Variants in DNAH2 observed in about 807,000 individuals in gnomAD.
DNAH2 encodes the protein dynein axonemal heavy chain 2.
In DNAH2, 323 loss-of-function variants were observed where a neutral mutation model predicts 523.5. The observed-to-expected ratio is 0.62, with a 90% confidence interval of 0.56 to 0.68. The LOEUF (loss-of-function observed/expected upper bound fraction) is 0.68. DNAH2 is among the 30% of genes least tolerant of loss of function. DNAH2 has a pLI of 0.00. For synonymous variants in DNAH2, 2,093 were observed against 2,177.4 expected (o/e 0.96, Z 1.08); for missense variants, 4,907 against 5,701.5 (o/e 0.86, Z 4.49).
In DNAH2 at chr17:7,719,865, C is replaced by G. The variant is rs781523714; in HGVS notation, c.131C>G (p.Pro44Arg). Residue 44 changes from proline to arginine, a missense_variant, in exon 2 of 86, where the codon CCA (proline) becomes CGA (arginine). Pro to Arg is a moderately radical substitution (Grantham distance 103, BLOSUM62 -2). Around this residue, in one of 3 missense-constraint regions of DNAH2, gnomAD observed 2,806 missense variants for 3,190.8 expected, o/e 0.88. Transcript: ENST00000572933. The part of the protein sequence containing the change: ...EQGNAPAVSE[P>R]ELQAELPKEE... ...GGGAATGCCCCGGCTGTCAGTGAGC[C>G]AGAGCTGCAGGCTGAGCTCCCCAAG... 5 of 1,586,896 alleles carry G rather than the reference C, an allele frequency of 3.2e-6. No homozygotes were observed. The East Asian group carries it at 9.0e-5, about 29-fold the overall frequency.
intron 56 of DNAH2, among the ~76,000 whole-genome samples, chr17:7,799,517 T>TA (rs1303451058): frequency 1.1e-4 from 17 of 152,106 alleles, no homozygotes; most frequent in African/African-American, 4.1e-4. Flanking sequence ...TAATTGTGGT[T>TA]AAAAACACAC....
Position 7,828,599 on chromosome 17 carries a change from TTC to T in DNAH2, c.11854-1699_11854-1698del, listed in dbSNP as rs551256811. On this transcript the variant is annotated intron_variant, in intron 77 of 85. Coordinates refer to ENST00000572933, the MANE Select transcript of DNAH2 (RefSeq NM_020877.5). The surrounding 1 kb of genome is among the most constrained non-coding windows in gnomAD (Gnocchi z 4.1). ...TTTATTTTAATAAAATTCTGTAATG[TTC>T]TTTTTTTATTTTTTATTTTTTAAAT... Among the ~76,000 whole-genome samples the T allele has an allele frequency of 2.2e-3, 339 of 152,190 alleles. 3 individuals carry two copies. The highest frequency in any genetic ancestry group is 8.0e-3 in the African/African-American group (332 of 41,476).
intron 61 of DNAH2, among the ~76,000 whole-genome samples, chr17:7,806,178 T>C (rs2077361804): frequency 6.6e-6 from 1 of 152,198 alleles, no homozygotes; most frequent in Admixed American, 6.5e-5. Flanking sequence ...TAAAATAGAC[T>C]TTGTGTTAGA....
In DNAH2 at chr17:7,767,942, TG is replaced by T. The variant is rs768779471; in HGVS notation, c.3721del (p.Glu1241ArgfsTer13). 2 of 1,614,002 alleles carry T rather than the reference TG, an allele frequency of 1.2e-6. No individual in the cohort carries two copies. Among genetic ancestry groups the T allele is most frequent in the Non-Finnish European group, 1.7e-6 (2 of 1,179,956 alleles). ...GCAAATCTGGGAGATCGCACGAGAC[TG>T]GGAGGAGAACTGGAATGAGTGGAAG... is the stretch of plus-strand genomic sequence containing the variant. Reference protein sequence around the residue: ...LQQIWEIARDWEENWNEWKTG... With the variant: ...LQQIWEIARDXEENWNEWKTG... On this transcript the variant is annotated frameshift_variant, in exon 23 of 86. Transcript: ENST00000572933. LOFTEE classifies it high-confidence loss of function.
rs1431983267 is a variant in DNAH2 at position 7,804,238 on chromosome 17, TC to T, written c.8973-16del. Reference sequence around the variant, plus strand: ...GGAAGCCCCGCCTCTCCACACCCTGTCCTATTCTTTCCCCCAGGTTGCTGGG... The same window carrying T: ...GGAAGCCCCGCCTCTCCACACCCTGTCTATTCTTTCCCCCAGGTTGCTGGG... On this transcript the variant is annotated splice_polypyrimidine_tract_variant and intron_variant, in intron 58 of 85. Transcript: ENST00000572933. 16 of 1,613,506 alleles carry T rather than the reference TC, an allele frequency of 9.9e-6. No homozygotes were observed. The highest frequency in any genetic ancestry group is 1.4e-5 in the Non-Finnish European group (16 of 1,179,764).
chr17:7,749,308 C>CAAAAAAAAAAAAAAAAAAAAAAAAAA lies in DNAH2; in HGVS notation c.1904+6181_1904+6206dup, dbSNP rs57660603. On this transcript the variant is annotated intron_variant, in intron 12 of 85. Coordinates refer to ENST00000572933, the MANE Select transcript of DNAH2 (RefSeq NM_020877.5). ...GGGCAACAAGAGCTAAACTCCCCCC[C>CAAAAAAAAAAAAAAAAAAAAAAAAAA]AAAAAAAAAAAAAAAAAAAAAAAAA... Among the ~76,000 whole-genome samples, 47 of 17,766 alleles carry CAAAAAAAAAAAAAAAAAAAAAAAAAA rather than the reference C, an allele frequency of 2.6e-3. 22 individuals are homozygous for CAAAAAAAAAAAAAAAAAAAAAAAAAA. The highest frequency in any genetic ancestry group is 3.0e-3 in the African/African-American group (6 of 1,968). The allele number at this position is 17,766 out of a possible 152,430, so 11.7% of individuals were successfully genotyped here.
chr17:7,778,548 G>A, intron 35 of DNAH2, 79 bp downstream of exon 35: 8 of 1,356,246 alleles, frequency 5.9e-6, no homozygotes, highest in South Asian at 2.9e-5. Flanking sequence ...CCCAAATCTG[G>A]TTCAGTGCTT....
At chr17:7,823,347 C>CAGAGAGAGAG (rs71389703) in intron 73 of DNAH2, 95 bp from the exon 74 acceptor site, 31 of 789,870 alleles carry the variant, frequency 3.9e-5, no homozygotes, top group African/African-American at 3.5e-4. Flanking sequence ...GAGAAAAATA[C>CAGAGAGAGAG]AGAGAGAGAG....
rs763052886 is a variant in DNAH2 at position 7,766,385 on chromosome 17, G to A, written c.3579G>A (p.Leu1193=). 1.2e-6 allele frequency: 2 copies of A among 1,613,996 alleles called. No individual in the cohort carries two copies. Among genetic ancestry groups the A allele is most frequent in the Non-Finnish European group, 1.7e-6 (2 of 1,180,036 alleles). Residue 1193 remains leucine (L), a synonymous_variant, in exon 22 of 86, where the codon CTG becomes CTA. Transcript: ENST00000572933. ...AGATTACACAAGTGCGGGCCATGCT[G>A]ATGGCCATGCGGGAAGAGGAAAATA... ...LDQITQVRAM[L]MAMREEENSL... is the part of the protein sequence containing the mutation.
chr17:7,767,902 G>A lies in DNAH2; in HGVS notation c.3678G>A (p.Glu1226=). Residue 1226 remains glutamate, a splice_region_variant and synonymous_variant, in exon 23 of 86, where the codon GAG becomes GAA. Coordinates refer to ENST00000572933, the MANE Select transcript of DNAH2 (RefSeq NM_020877.5). ...CAACGCGCCTTTCTGCCCTGTAGGA[G>A]CTCGATGCCCTCCAGCAAATCTGGG... is the stretch of plus-strand genomic sequence containing the variant. ...PSKDLQNLEK[E]LDALQQIWEI... 1.2e-6 allele frequency: 2 copies of A among 1,614,162 alleles called. No individual in the cohort carries two copies. Among genetic ancestry groups the A allele is most frequent in the East Asian group, 4.5e-5 (2 of 44,890 alleles).
rs150036627 is a variant in DNAH2, at chr17:7,791,944, G to A, written c.6928G>A (p.Val2310Ile). The A allele has an allele frequency of 2.1e-5, 34 of 1,613,766 alleles. No individual in the cohort carries two copies. Among genetic ancestry groups the A allele is most frequent in the Non-Finnish European group, 2.8e-5 (33 of 1,179,968 alleles). ...GVNPADGENY[V>I]TMVEMTFVFS... is the part of the protein sequence containing the mutation. ...GAACCCAGCTGACGGCGAGAACTAT[G>A]TCACCATGGTAGAGATGACATTTGT... Residue 2310 changes from valine (V) to isoleucine (I), a missense_variant, in exon 45 of 86, where the codon GTC becomes ATC. Transcript: ENST00000572933.
chr17:7,751,368 C>T (rs2075678101), intron 12 of DNAH2, among the ~76,000 whole-genome samples: 1 of 152,134 alleles, frequency 6.6e-6, no homozygotes, highest in African/African-American at 2.4e-5. Context: ...GCTGAACTTA[C>T]AGGCATGAGC....
At chr17:7,740,776 G>A (rs1419116114) in intron 10 of DNAH2, 34 bp from the exon 11 acceptor site, 6 of 1,586,460 alleles carry the variant, frequency 3.8e-6, no homozygotes, top group East Asian at 2.3e-5. Flanking sequence ...CGCCTTCCCG[G>A]GCACGTCGCC....
chr17:7,774,727 A>G (rs1210755103), intron 28 of DNAH2, 32 bp from the exon 29 acceptor site: 6 of 1,598,334 alleles, frequency 3.8e-6, no homozygotes, highest in Non-Finnish European at 5.1e-6. Context: ...AGTGGAAATG[A>G]ATCAAATGTC....
Position 7,741,303 on chromosome 17 carries a change from T to TTCCTTCCCTCCC in DNAH2, c.1689+314_1689+315insTTCCCTCCCTCC, listed in dbSNP as rs1477805088. Among the ~76,000 whole-genome samples the TTCCTTCCCTCCC allele has an allele frequency of 3.1e-4, 24 of 76,882 alleles. 1 individual carries two copies. The highest frequency in any genetic ancestry group is 2.1e-3 in the Admixed American group (14 of 6,596). The allele number at this position is 76,882 out of a possible 152,430, so 50.4% of individuals were successfully genotyped here. Reference sequence around the variant, plus strand: ...CTTTCTTTCTTTCTTTCTTCCTTCCTTCCCTCCCTCCCTCCCTCCCTCCTT... The same window carrying TTCCTTCCCTCCC: ...CTTTCTTTCTTTCTTTCTTCCTTCCTTCCTTCCCTCCCTCCCTCCCTCCCTCCCTCCCTCCTT... On this transcript the variant is annotated intron_variant, in intron 11 of 85. Transcript: ENST00000572933.
rs2074492959 is a variant in DNAH2, at chr17:7,718,558, G to A, written c.-256G>A. On this transcript the variant is annotated 5_prime_UTR_variant, in exon 1 of 86. Coordinates refer to ENST00000572933, the MANE Select transcript of DNAH2 (RefSeq NM_020877.5). Reference sequence around the variant, plus strand: ...CTGCCATCCTACCTTTCTGAGAGAGGCACCACTGTGACCTTCCTCGTGCCC... The same window carrying A: ...CTGCCATCCTACCTTTCTGAGAGAGACACCACTGTGACCTTCCTCGTGCCC... 1 of 152,262 alleles carries A rather than the reference G, an allele frequency of 6.6e-6. No individual in the cohort carries two copies. The highest frequency in any genetic ancestry group is 1.5e-5 in the Non-Finnish European group (1 of 68,032). 9.4% of individuals were successfully genotyped at this position (152,262 alleles called of 1,614,324 possible).
chr17:7,735,856 G>A (rs544701915), intron 7 of DNAH2, among the ~76,000 whole-genome samples: 4 of 151,934 alleles, frequency 2.6e-5, no homozygotes, highest in South Asian at 2.1e-4. Context: ...GGGTTCAAGC[G>A]ATTCTCCTGC....
At chr17:7,742,795 C>G in intron 11 of DNAH2, 133 bp from the exon 12 acceptor site, 1 of 528,778 alleles carries the variant, frequency 1.9e-6, no homozygotes, top group Non-Finnish European at 3.0e-6. Context: ...AAAACTCAAT[C>G]CATCTCCATA....
chr17:7,719,600 C>T (rs1016370115), intron 1 of DNAH2, 121 bp from the exon 2 acceptor site: 5 of 1,275,180 alleles, frequency 3.9e-6, no homozygotes, highest in Middle Eastern at 2.3e-4. Context: ...TGGGTACCAC[C>T]AGAAAAGATG....
Sources: gnomAD v4.1 joint callset for allele counts (sites outside exome capture counted in the v4.1 genomes callset) on GRCh38, gnomAD v4.1.1 for gene constraint, gnomAD v4.1.1 regional missense constraint, Gnocchi (gnomAD v3.1) non-coding constraint, MANE v1.5 for transcripts, NCBI Gene and HGNC (gene_info 2026-07-23, HGNC 2026-07-21) for gene names.